CYFIP1: variants seen among roughly 807,000 people sequenced by gnomAD.
CYFIP1 encodes cytoplasmic FMR1 interacting protein 1, also known as cytoplasmic FMR1-interacting protein 1.
Under a neutral mutation model 163.5 loss-of-function variants are expected in CYFIP1, and 58 were observed. The observed-to-expected ratio is 0.35, with a 90% confidence interval of 0.29 to 0.44. The LOEUF is 0.44. Among genes scored for constraint, CYFIP1 ranks in the 20% least tolerant of loss-of-function variants. CYFIP1 has a pLI of 1.00. For missense variants in CYFIP1, 1,338 were observed against 1,653.8 expected, an observed-to-expected ratio of 0.81 and a Z score of 3.31; for synonymous variants, 663 against 660.7, an observed-to-expected ratio of 1.00 and a Z score of -0.05.
intron 11 of CYFIP1, among the ~76,000 whole-genome samples, chr15:22,931,685 T>TAAAAAAAAAAAAAAA (rs2061538850): frequency 3.3e-5 from 1 of 30,704 alleles, no homozygotes; most frequent in Non-Finnish European, 5.1e-5. Context: ...AATGTTTTTC[T>TAAAAAAAAAAAAAAA]GAAAAAAAAA....
At chr15:22,952,791 T>C (rs1249185745) in intron 1 of CYFIP1, among the ~76,000 whole-genome samples, 1 of 151,406 alleles carries the variant, frequency 6.6e-6, no homozygotes, top group Admixed American at 6.6e-5. Flanking sequence ...AAACCTATCA[T>C]CAATCATCCC....
chr15:22,933,905 GAAC>G lies in CYFIP1; in HGVS notation c.901-15_901-13del. The G allele has an allele frequency of 6.3e-7, 1 of 1,581,518 alleles. No individual in the cohort carries two copies. Among genetic ancestry groups the G allele is most frequent in the Non-Finnish European group, 8.6e-7 (1 of 1,158,930 alleles). Reference sequence around the variant, plus strand: ...ACCACCTGGAGTTGCTGTATTCAAAGAACAAAAAAATAGAGTCATTATGTATAT... The same window carrying G: ...ACCACCTGGAGTTGCTGTATTCAAAGAAAAAAATAGAGTCATTATGTATAT... On this transcript the variant is annotated splice_polypyrimidine_tract_variant and intron_variant, in intron 9 of 30. Transcript: ENST00000617928.
chr15:22,883,538 C>A (rs1253511126), intron 23 of CYFIP1, among the ~76,000 whole-genome samples: 1 of 152,150 alleles, frequency 6.6e-6, no homozygotes, highest in African/African-American at 2.4e-5. Context: ...CAGGTTTAGG[C>A]CAGGCGCGGC....
intron 30 of CYFIP1, 137 bp from the exon 31 acceptor site, chr15:22,870,329 G>GGT (rs71411207): frequency 1.2e-6 from 1 of 833,162 alleles, no homozygotes; most frequent in Non-Finnish European, 1.8e-6. Context: ...TTCTTTTTGG[G>GGT]TTTTTTTTTG....
Position 22,944,612 on chromosome 15 carries a change from G to C in CYFIP1, c.333C>G (p.Thr111=), listed in dbSNP as rs756919870. ...TGACCTCAGGCTCCAGAACCTCCACGGTTTTCTCGTAGATTTCCACTCTGT... is the reference window on the plus strand; with the variant it reads ...TGACCTCAGGCTCCAGAACCTCCACCGTTTTCTCGTAGATTTCCACTCTGT... ...QPNRVEIYEK[T]VEVLEPEVTK... The change falls in exon 5 of 31, where the codon ACC becomes ACG. Residue 111 remains threonine, a synonymous_variant. Coordinates refer to ENST00000617928, the MANE Select transcript of CYFIP1 (RefSeq NM_014608.6). The C allele has an allele frequency of 1.9e-6, 3 of 1,613,856 alleles. No homozygotes were observed. The Admixed American group carries it at 5.0e-5, about 27-fold the overall frequency.
chr15:22,916,168 A>G (rs2060972805), intron 16 of CYFIP1, among the ~76,000 whole-genome samples: 1 of 152,176 alleles, frequency 6.6e-6, no homozygotes, highest in Non-Finnish European at 1.5e-5. Context: ...GTATTTATCA[A>G]TGCCTGTGTC....
chr15:22,917,982 C>A lies in CYFIP1; in HGVS notation c.1527-47G>T. 1 of 1,587,630 alleles carries A rather than the reference C, an allele frequency of 6.3e-7. No homozygotes were observed. The highest frequency in any genetic ancestry group is 1.1e-5 in the South Asian group (1 of 87,710). Reference sequence around the variant, plus strand: ...CAGCAAGGCCCAGAGGCCGAGACCTCCAGCCTCACAATCACACCATCTCCT... The same window carrying A: ...CAGCAAGGCCCAGAGGCCGAGACCTACAGCCTCACAATCACACCATCTCCT... On this transcript the variant is annotated intron_variant, in intron 14 of 30. Coordinates refer to ENST00000617928, the MANE Select transcript of CYFIP1 (RefSeq NM_014608.6). The surrounding 1 kb of genome is among the most constrained non-coding windows in gnomAD (Gnocchi z 4.2).
intron 1 of CYFIP1, among the ~76,000 whole-genome samples, chr15:22,959,703 C>G (rs775410583): frequency 6.6e-6 from 1 of 152,218 alleles, no homozygotes; most frequent in Non-Finnish European, 1.5e-5. Flanking sequence ...CACCTTATCA[C>G]TGTGCCCAAC....
intron 21 of CYFIP1, among the ~76,000 whole-genome samples, chr15:22,906,632 A>AT (rs779664519): frequency 7.3e-4 from 110 of 151,654 alleles, no homozygotes; most frequent in Non-Finnish European, 9.1e-4. Context: ...AGCCTGGCTA[A>AT]TTTTTTGTAT....
rs534868664 is a variant in CYFIP1, at chr15:22,867,953, T to TAACC, written c.*2071_*2074dup. The TAACC allele has an allele frequency of 1.2e-4, 18 of 152,366 alleles. No individual in the cohort carries two copies. The South Asian group carries it at 3.7e-3, about 32-fold the overall frequency. 9.4% of individuals were successfully genotyped at this position (152,366 alleles called of 1,614,324 possible). On this transcript the variant is annotated 3_prime_UTR_variant, in exon 31 of 31. Coordinates refer to ENST00000617928, the MANE Select transcript of CYFIP1 (RefSeq NM_014608.6). The stretch of plus-strand genomic sequence containing the variant: ...ATTCAGCTTTGAACCTATCCACTCA[T>TAACC]AACCATTGACTGGCCTTTAAAAAAA...
At chr15:22,870,909 G>A (rs546160653) in intron 30 of CYFIP1, among the ~76,000 whole-genome samples, 3 of 152,278 alleles carry the variant, frequency 2.0e-5, no homozygotes, top group Admixed American at 6.5e-5. Flanking sequence ...TAAAGAACAC[G>A]AATTAAGAAC....
At chr15:22,925,701 A>G (rs1295716062) in intron 13 of CYFIP1, among the ~76,000 whole-genome samples, 5 of 152,142 alleles carry the variant, frequency 3.3e-5, no homozygotes, top group Non-Finnish European at 1.5e-5. Flanking sequence ...AGCAGGGGCC[A>G]CATCTCTTTC....
At chr15:22,963,043 T>A (rs533069345) in intron 1 of CYFIP1, among the ~76,000 whole-genome samples, 1 of 152,102 alleles carries the variant, frequency 6.6e-6, no homozygotes, top group Non-Finnish European at 1.5e-5. Flanking sequence ...ACAGGGCCAG[T>A]AGTGGACAAG....
rs781492578 is a variant in CYFIP1 at position 22,881,882 on chromosome 15, T to C, written c.2875A>G (p.Ile959Val). 11 of 1,612,426 alleles carry C rather than the reference T, an allele frequency of 6.8e-6. No homozygotes were observed. Among genetic ancestry groups the C allele is most frequent in the Admixed American group, 5.0e-5 (3 of 60,024 alleles). The change falls in exon 25 of 31, where the codon ATC becomes GTC. Residue 959 changes from isoleucine (I) to valine (V), a missense_variant. By Grantham distance (29) the Ile-to-Val change is conservative. Transcript: ENST00000617928. ...VKTLMEVMPK[I>V]CRLPRHEYGS... ...TACTCGTGCCGGGGCAGGCGGCAGATCTTGGGCATCACCTCCATCAGCGTC... is the reference window on the plus strand; with the variant it reads ...TACTCGTGCCGGGGCAGGCGGCAGACCTTGGGCATCACCTCCATCAGCGTC...
chr15:22,949,301 G>A (rs1217212205), intron 1 of CYFIP1, among the ~76,000 whole-genome samples: 3 of 81,108 alleles, frequency 3.7e-5, no homozygotes, highest in Non-Finnish European at 5.2e-5. Flanking sequence ...GCCGGAAGGC[G>A]GGCACAATGC....
chr15:22,943,299 C>T lies in CYFIP1; in HGVS notation c.443G>A (p.Arg148Lys), dbSNP rs760370230. Residue 148 changes from arginine (R) to lysine (K), a missense_variant, in exon 6 of 31, where the codon AGG becomes AAG. By Grantham distance (26) the Arg-to-Lys change is conservative (BLOSUM62 2). This residue lies in a region of CYFIP1 where 186 missense variants were observed against 288.3 expected (regional missense o/e 0.65). Coordinates refer to ENST00000617928, the MANE Select transcript of CYFIP1 (RefSeq NM_014608.6). Reference protein sequence around the residue: ...GEVRRLCHAERRKDFVSEAYL... With the variant: ...GEVRRLCHAEKRKDFVSEAYL... ...GGCTTCTGACACGAAGTCCTTCCTCCTCTCGGCATGGCACAGGCGCCTCAC... is the reference window on the plus strand; with the variant it reads ...GGCTTCTGACACGAAGTCCTTCCTCTTCTCGGCATGGCACAGGCGCCTCAC... 1 of 1,614,234 alleles carries T rather than the reference C, an allele frequency of 6.2e-7. No individual in the cohort carries two copies. Among genetic ancestry groups the T allele is most frequent in the South Asian group, 1.1e-5 (1 of 91,090 alleles).
chr15:22,946,719 TG>T (rs2062073108), intron 3 of CYFIP1: 29 of 597,292 alleles, frequency 4.9e-5, no homozygotes, highest in Middle Eastern at 5.2e-4. Context: ...CTGGTGTGTG[TG>T]GGTGCAGATC....
intron 1 of CYFIP1, among the ~76,000 whole-genome samples, chr15:22,963,322 C>G (rs564304146): frequency 1.3e-5 from 2 of 150,692 alleles, no homozygotes; most frequent in South Asian, 4.2e-4. Context: ...GAAACCCCGT[C>G]CCTACTAAAA....
chr15:22,930,401 A>C (rs28521584), intron 11 of CYFIP1, among the ~76,000 whole-genome samples: 48,896 of 147,784 alleles, frequency 0.33, 8,820 homozygotes, highest in East Asian at 0.46. Context: ...AAAAAAAAAA[A>C]AAAAAAAAAA....
Sources: gnomAD v4.1 joint callset for allele counts (sites outside exome capture counted in the v4.1 genomes callset) on GRCh38, gnomAD v4.1.1 for gene constraint, gnomAD v4.1.1 regional missense constraint, Gnocchi (gnomAD v3.1) non-coding constraint, MANE v1.5 for transcripts, NCBI Gene and HGNC (gene_info 2026-07-23, HGNC 2026-07-21) for gene names.